CDH23: variants seen among roughly 807,000 people sequenced by gnomAD.
The protein encoded by CDH23 is cadherin related 23, also known as cadherin-23.
A neutral mutation model predicts 317.1 loss-of-function variants in CDH23; 189 were observed. That is an observed-to-expected ratio of 0.60 (90% CI 0.53 to 0.67). CDH23 has a LOEUF of 0.67. CDH23 is among the 30% of genes least tolerant of loss of function. The pLI, the probability that CDH23 is intolerant of heterozygous loss-of-function variation, is 0.00. For synonymous variants in CDH23, 1,839 were observed against 1,876.8 expected, an observed-to-expected ratio of 0.98 and a Z score of 0.52; for missense variants, 4,401 against 4,592.4, an observed-to-expected ratio of 0.96 and a Z score of 1.20.
chr10:71,573,601 T>G (rs1257847205), intron 8 of CDH23, among the ~76,000 whole-genome samples: 1 of 152,190 alleles, frequency 6.6e-6, no homozygotes, highest in East Asian at 1.9e-4. Context: ...ATGCTGTGAT[T>G]CTCCTCTCTC....
chr10:71,421,888 G>T (rs1212969591), intron 1 of CDH23, among the ~76,000 whole-genome samples: 1 of 151,900 alleles, frequency 6.6e-6, no homozygotes, highest in East Asian at 1.9e-4. Context: ...TGAACTAGGA[G>T]TCGTGTGAAG....
At chr10:71,605,651 G>T (rs954909573) in intron 9 of CDH23, among the ~76,000 whole-genome samples, 3 of 152,228 alleles carry the variant, frequency 2.0e-5, no homozygotes, top group Middle Eastern at 6.8e-3. Context: ...GCTGATCATT[G>T]TCCTTTTTTA....
chr10:71,476,219 C>T (rs2132102582), intron 3 of CDH23, among the ~76,000 whole-genome samples: 1 of 152,282 alleles, frequency 6.6e-6, no homozygotes. Flanking sequence ...CTGCATCTTT[C>T]ATGCACATGC....
chr10:71,667,359 A>AGAGAGAGAGTGTGTGTGTGTGTGTGT (rs58361666), intron 14 of CDH23, among the ~76,000 whole-genome samples: 7 of 112,080 alleles, frequency 6.2e-5, no homozygotes, highest in Non-Finnish European at 1.0e-4. Flanking sequence ...AGAGAGAGAG[A>AGAGAGAGAGTGTGTGTGTGTGTGTGT]GTGTGTGTGT....
intron 6 of CDH23, among the ~76,000 whole-genome samples, chr10:71,512,871 G>T (rs1363410895): frequency 1.3e-5 from 2 of 152,206 alleles, no homozygotes; most frequent in Non-Finnish European, 2.9e-5. Flanking sequence ...TCTGAGCCAG[G>T]CTGTCATTGT....
At chr10:71,682,333 G>A in intron 17 of CDH23, 112 bp from the exon 18 acceptor site, 2 of 1,408,780 alleles carry the variant, frequency 1.4e-6, no homozygotes, top group Non-Finnish European at 1.9e-6. Flanking sequence ...AAACAAGCCA[G>A]AGCTGGCCCG....
chr10:71,791,006 C>G, intron 46 of CDH23, 126 bp from the exon 47 acceptor site: 1 of 728,304 alleles, frequency 1.4e-6, no homozygotes, highest in Non-Finnish European at 2.3e-6. Context: ...ACTGCCTCTG[C>G]TCCTCTTTCA....
chr10:71,738,413 C>T, intron 34 of CDH23, 85 bp from the exon 35 acceptor site: 1 of 1,529,234 alleles, frequency 6.5e-7, no homozygotes. Flanking sequence ...GGGATCTGGT[C>T]CCTACTGGAC....
At chr10:71,713,876 T>G in intron 28 of CDH23, 1 of 152,644 alleles carries the variant, frequency 6.6e-6, no homozygotes, top group Non-Finnish European at 1.5e-5. Context: ...CAGCCTAGGA[T>G]TTGCAGGGAG....
In CDH23 at chr10:71,625,421, A is replaced by AAAAAAAAAAAC. The variant is rs778124827; in HGVS notation, c.1134+8031_1134+8032insAAAAAAACAAA. ...TAAAAAAAAAAAAAAAAAAAAAAAA[A>AAAAAAAAAAAC]AAATGACAAGGAGAAAAGGCCATAT... On this transcript the variant is annotated intron_variant, in intron 11 of 69. Transcript: ENST00000224721. 2.7e-4 allele frequency among the ~76,000 whole-genome samples: 25 copies of AAAAAAAAAAAC among 92,358 alleles called. 1 individual carries two copies. The highest frequency in any genetic ancestry group is 4.4e-4 in the Non-Finnish European group (20 of 45,598). 60.6% of individuals were successfully genotyped at this position (92,358 alleles called of 152,430 possible).
intron 6 of CDH23, among the ~76,000 whole-genome samples, chr10:71,517,633 C>T (rs182466347): frequency 3.9e-5 from 6 of 152,330 alleles, no homozygotes; most frequent in African/African-American, 1.2e-4. Flanking sequence ...CACTCATGAG[C>T]GTGTCATCTC....
At position 71,711,517 on chromosome 10, in the gene CDH23, G is replaced by T. The variant is rs1162448917; in HGVS notation, c.3221-1148G>T. 2.6e-5 allele frequency among the ~76,000 whole-genome samples: 4 copies of T among 152,102 alleles called. No homozygotes were observed. The East Asian group carries it at 7.7e-4, about 29-fold the overall frequency. ...CTCCAGGGAGGACAACCCAAGAGCTGCCTGGGGCTGAGTCAGTGCCCCATC... is the reference window on the plus strand; with the variant it reads ...CTCCAGGGAGGACAACCCAAGAGCTTCCTGGGGCTGAGTCAGTGCCCCATC... On this transcript the variant is annotated intron_variant, in intron 27 of 69. Coordinates refer to ENST00000224721, the MANE Select transcript of CDH23 (RefSeq NM_022124.6).
chr10:71,415,527 C>T (rs930381372), intron 1 of CDH23, among the ~76,000 whole-genome samples: 1 of 152,182 alleles, frequency 6.6e-6, no homozygotes, highest in Non-Finnish European at 1.5e-5. Context: ...AATTTTTCAT[C>T]AGAATTTGTA....
In CDH23 at chr10:71,791,342, A is replaced by G; in HGVS notation, c.6253+7A>G. 1 of 1,612,284 alleles carries G rather than the reference A, an allele frequency of 6.2e-7. No individual in the cohort carries two copies. The highest frequency in any genetic ancestry group is 1.1e-5 in the South Asian group (1 of 90,652). ...CTAGAGAACTGCCCGCCTGGTAAGCAGGGGACAGGCCCCAGCACCCCACAA... is the reference window on the plus strand; with the variant it reads ...CTAGAGAACTGCCCGCCTGGTAAGCGGGGGACAGGCCCCAGCACCCCACAA... On this transcript the variant is annotated splice_region_variant and intron_variant, in intron 47 of 69. Coordinates refer to ENST00000224721, the MANE Select transcript of CDH23 (RefSeq NM_022124.6).
chr10:71,675,211 G>A (rs781369472), intron 15 of CDH23, 35 bp downstream of exon 15: 52 of 1,581,716 alleles, frequency 3.3e-5, no homozygotes, highest in Middle Eastern at 1.7e-4. Flanking sequence ...AGGCCCCTCC[G>A]CAGTGGTCCT....
chr10:71,793,047 A>C (rs1168637660), intron 47 of CDH23, 135 bp from the exon 48 acceptor site: 1 of 588,190 alleles, frequency 1.7e-6, no homozygotes, highest in Non-Finnish European at 3.0e-6. Flanking sequence ...TGCAAGTATG[A>C]AAAAGGTATA....
intron 6 of CDH23, among the ~76,000 whole-genome samples, chr10:71,563,079 G>A (rs1857212700): frequency 6.6e-6 from 1 of 152,174 alleles, no homozygotes; most frequent in African/African-American, 2.4e-5. Context: ...GGGTGGGTGG[G>A]GAGGCAGCTG....
intron 11 of CDH23, among the ~76,000 whole-genome samples, chr10:71,624,105 C>T (rs1861596705): frequency 6.6e-6 from 1 of 152,142 alleles, no homozygotes; most frequent in South Asian, 2.1e-4. Context: ...GGGAAGGTGC[C>T]GCCCGGGCCT....
intron 18 of CDH23, among the ~76,000 whole-genome samples, chr10:71,685,814 A>C (rs1023283135): frequency 2.0e-5 from 3 of 152,224 alleles, no homozygotes; most frequent in African/African-American, 7.2e-5. Flanking sequence ...CCACACTTGA[A>C]AAGGTCACCA....
Sources: allele counts gnomAD v4.1 joint callset (sites outside exome capture counted in the v4.1 genomes callset), GRCh38; gene constraint gnomAD v4.1.1; transcripts MANE v1.5; gene names NCBI Gene and HGNC (gene_info 2026-07-23, HGNC 2026-07-21).